Variants in STK38 observed in about 807,000 individuals in gnomAD.
The protein encoded by STK38 is serine/threonine kinase 38, also known as serine/threonine-protein kinase 38.
STK38 carries 26 observed loss-of-function variants against 59.0 expected under a neutral mutation model. The observed-to-expected ratio is 0.44, with a 90% CI of 0.32 to 0.61. STK38 has a LOEUF of 0.61. Among genes scored for constraint, STK38 ranks in the 20% least tolerant of loss-of-function variants. The pLI is 0.04. For missense variants in STK38, 433 were observed against 566.0 expected (o/e 0.76, Z 2.38); for synonymous variants, 175 against 176.6 (o/e 0.99, Z 0.07).
chr6:36,540,907 G>A (rs868341195), intron 1 of STK38, among the ~76,000 whole-genome samples: 7 of 147,580 alleles, frequency 4.7e-5, no homozygotes, highest in Middle Eastern at 3.9e-3. Flanking sequence ...TTATTTATTT[G>A]TTTGTTTTTG....
intron 5 of STK38, among the ~76,000 whole-genome samples, chr6:36,520,387 C>T (rs1777350662): frequency 6.6e-6 from 1 of 152,180 alleles, no homozygotes; most frequent in Non-Finnish European, 1.5e-5. Flanking sequence ...ATGCGGGGCA[C>T]CTGGTATACA....
intron 3 of STK38, 36 bp from the exon 4 acceptor site, chr6:36,524,499 G>C: frequency 1.3e-6 from 2 of 1,568,426 alleles, no homozygotes; most frequent in Non-Finnish European, 1.7e-6. Context: ...AGACGGGAAG[G>C]AACTGAAATT....
chr6:36,496,041 GA>G, intron 13 of STK38, 127 bp from the exon 14 acceptor site: 3 of 826,910 alleles, frequency 3.6e-6, no homozygotes, highest in South Asian at 1.9e-5. Context: ...TTCACTCTAT[GA>G]ATTTTTTTTT....
At chr6:36,508,127 G>A (rs1777013245) in intron 7 of STK38, among the ~76,000 whole-genome samples, 1 of 151,744 alleles carries the variant, frequency 6.6e-6, no homozygotes, top group Admixed American at 6.6e-5. Flanking sequence ...GGAGATACAA[G>A]GTTTCCCTGT....
intron 2 of STK38, among the ~76,000 whole-genome samples, chr6:36,539,139 A>ATGAGC (rs1352008083): frequency 2.6e-5 from 4 of 152,020 alleles, no homozygotes; most frequent in African/African-American, 9.6e-5. Context: ...TAATCCCAGC[A>ATGAGC]CTATGGGAGG....
intron 2 of STK38, among the ~76,000 whole-genome samples, chr6:36,527,240 A>C (rs1031873468): frequency 5.5e-5 from 8 of 145,620 alleles, no homozygotes; most frequent in African/African-American, 2.0e-4. Context: ...TTATATGTAT[A>C]TACACATGTA....
At chr6:36,516,846 C>T (rs779115027) in intron 6 of STK38, among the ~76,000 whole-genome samples, 3 of 152,134 alleles carry the variant, frequency 2.0e-5, no homozygotes, top group East Asian at 1.9e-4. Flanking sequence ...TGAGAAGCTA[C>T]GGAAGATGGT....
chr6:36,520,921 A>T (rs1463968595), intron 5 of STK38, among the ~76,000 whole-genome samples: 2 of 152,172 alleles, frequency 1.3e-5, no homozygotes, highest in Non-Finnish European at 2.9e-5. Context: ...TTTGGCCCTA[A>T]ATTAGGAGTT....
At chr6:36,524,217 G>A (rs1182196714) in intron 4 of STK38, 124 bp downstream of exon 4, 2 of 1,152,398 alleles carry the variant, frequency 1.7e-6, no homozygotes, top group Non-Finnish European at 2.4e-6. Flanking sequence ...AGGATGTGGG[G>A]CTGGCATGCC....
chr6:36,509,802 C>A (rs1777062554), intron 7 of STK38, among the ~76,000 whole-genome samples: 1 of 152,100 alleles, frequency 6.6e-6, no homozygotes, highest in South Asian at 2.1e-4. Context: ...CCATTTTTTT[C>A]ATCTATCGCT....
intron 13 of STK38, 143 bp downstream of exon 13, chr6:36,496,568 T>A (rs1449979251): frequency 1.5e-6 from 1 of 689,552 alleles, no homozygotes; most frequent in Non-Finnish European, 2.5e-6. Flanking sequence ...TACCCAGCAT[T>A]AGAATTAGAA....
At chr6:36,529,923 G>GA (rs1777625913) in intron 2 of STK38, among the ~76,000 whole-genome samples, 1 of 152,024 alleles carries the variant, frequency 6.6e-6, no homozygotes, top group Non-Finnish European at 1.5e-5. Context: ...GTGAGACACT[G>GA]AAAACCAGGA....
chr6:36,500,035 G>A, intron 9 of STK38, 45 bp from the exon 10 acceptor site: 1 of 1,465,998 alleles, frequency 6.8e-7, no homozygotes, highest in Non-Finnish European at 9.6e-7. Context: ...CAGGCAGGAG[G>A]TGCCCAGAGT....
At chr6:36,540,522 G>C (rs931849280) in intron 1 of STK38, among the ~76,000 whole-genome samples, 17 of 152,180 alleles carry the variant, frequency 1.1e-4, no homozygotes, top group African/African-American at 4.1e-4. Context: ...GAAGTTGGAG[G>C]CACTTAAGTA....
intron 1 of STK38, among the ~76,000 whole-genome samples, chr6:36,541,725 A>C (rs537610049): frequency 3.3e-5 from 5 of 152,248 alleles, no homozygotes; most frequent in Non-Finnish European, 5.9e-5. Flanking sequence ...GTATATGCAC[A>C]TAATTATTAG....
intron 7 of STK38, among the ~76,000 whole-genome samples, chr6:36,514,306 C>T (rs963823755): frequency 9.6e-5 from 13 of 135,848 alleles, no homozygotes; most frequent in South Asian, 2.3e-4. Context: ...AGAATGAGAC[C>T]GTCTCAAAAA....
chr6:36,517,272 G>T (rs1777278200), intron 6 of STK38, among the ~76,000 whole-genome samples: 1 of 151,994 alleles, frequency 6.6e-6, no homozygotes, highest in African/African-American at 2.4e-5. Flanking sequence ...TCAGAAATGA[G>T]AAATTTTTTC....
At chr6:36,531,694 G>T (rs996146723) in intron 2 of STK38, among the ~76,000 whole-genome samples, 1 of 152,134 alleles carries the variant, frequency 6.6e-6, no homozygotes, top group African/African-American at 2.4e-5. Context: ...ACTGTGTGAT[G>T]GACACTAGAT....
intron 7 of STK38, among the ~76,000 whole-genome samples, chr6:36,509,342 A>G (rs1377616268): frequency 6.6e-6 from 1 of 152,170 alleles, no homozygotes; most frequent in Admixed American, 6.5e-5. Flanking sequence ...TCCCAGACGC[A>G]GGCAGGTCAT....
Sources: allele counts gnomAD v4.1 joint callset (sites outside exome capture counted in the v4.1 genomes callset), GRCh38; gene constraint gnomAD v4.1.1; transcripts MANE v1.5; gene names NCBI Gene and HGNC (gene_info 2026-07-23, HGNC 2026-07-21).